The following TTLL8 variants were observed in gnomAD, a reference collection of about 807,000 sequenced individuals.
TTLL8 encodes the protein protein monoglycylase TTLL8.
Under a neutral mutation model 77.8 loss-of-function variants are expected in TTLL8, and 65 were observed. The observed-to-expected ratio is 0.84, with a 90% confidence interval of 0.68 to 1.03. TTLL8 has a LOEUF of 1.03. TTLL8 is among the 50% of genes least tolerant of loss of function. The pLI, the probability that TTLL8 is intolerant of heterozygous loss-of-function variation, is 0.00. For synonymous variants in TTLL8, 402 were observed against 422.8 expected (o/e 0.95, Z 0.60); for missense variants, 910 against 1,004.5 (o/e 0.91, Z 1.27).
chr22:50,055,328 G>T (rs2061465332), upstream of TTLL8: 14 of 1,289,734 alleles, frequency 1.1e-5, no homozygotes, highest in Non-Finnish European at 1.4e-5. Context: ...TTTTAATTCT[G>T]CAAAAGAGAA....
At chr22:50,049,221 C>G (rs1192874584) in intron 3 of TTLL8, 28 bp downstream of exon 5, 2 of 1,367,268 alleles carry the variant, frequency 1.5e-6, no homozygotes, top group Admixed American at 1.9e-5. Flanking sequence ...GAGGCCGCAG[C>G]TGACCATGAC....
intron 12 of TTLL8, among the ~76,000 whole-genome samples, chr22:50,029,629 G>A (rs1327367260): frequency 6.6e-6 from 1 of 152,070 alleles, no homozygotes; most frequent in Non-Finnish European, 1.5e-5. Context: ...TACTCGGGAG[G>A]CTGAGGCAGG....
intron 1 of TTLL8, among the ~76,000 whole-genome samples, chr22:50,053,723 G>A (rs916778496): frequency 5.3e-5 from 8 of 152,208 alleles, no homozygotes; most frequent in Non-Finnish European, 1.0e-4. Context: ...TGGGACAGGG[G>A]TGGGGAATAA....
rs546845235 is a variant in TTLL8, at chr22:50,047,611, G to A, written c.265-315C>T. Among the ~76,000 whole-genome samples, 24 of 152,252 alleles carry A rather than the reference G, an allele frequency of 1.6e-4. 1 individual carries two copies. In the South Asian group the frequency reaches 4.4e-3, roughly 28 times the overall value. On this transcript the variant is annotated intron_variant, in intron 3 of 13. Transcript: ENST00000266182. ...GACGTGCCACTTGCCGAGGTGACAC[G>A]ACACTTCATAACCCAGAGCTTACAG...
chr22:50,047,053 C>T (rs1020476597), intron 4 of TTLL8, 115 bp downstream of exon 6: 31 of 1,229,044 alleles, frequency 2.5e-5, no homozygotes, highest in Non-Finnish European at 3.1e-5. Flanking sequence ...TCCTGGGATG[C>T]ACCCAGGAGG....
intron 1 of TTLL8, among the ~76,000 whole-genome samples, chr22:50,051,410 CCA>C (rs1251801734): frequency 6.6e-6 from 1 of 152,230 alleles, no homozygotes; most frequent in Non-Finnish European, 1.5e-5. Context: ...TGCAGATACA[CCA>C]CAGTTTCTTT....
chr22:50,045,155 C>T (rs890569087), intron 6 of TTLL8, 100 bp downstream of exon 8: 18 of 1,209,068 alleles, frequency 1.5e-5, no homozygotes, highest in Non-Finnish European at 1.7e-5. Context: ...GCCCCGGCTG[C>T]TGCAACCCTC....
At position 50,041,703 on chromosome 22, in the gene TTLL8, T is replaced by C. The variant is rs762559665; in HGVS notation, c.748A>G (p.Ile250Val). ...TCCACGGCATCTGCTGACGTGTCGA[T>C]GTCCTCATGCTCCAGCTGCCCCAGG... Residue 250 changes from isoleucine (I) to valine (V), a missense_variant, in exon 7 of 14, where the codon ATC becomes GTC. Ile to Val is a conservative substitution (Grantham distance 29). Coordinates refer to ENST00000266182, the Ensembl canonical transcript of TTLL8. The surrounding 1 kb of genome is among the most constrained non-coding windows in gnomAD (Gnocchi z 4.3). 7.3e-7 allele frequency: 1 copy of C among 1,366,974 alleles called. No individual in the cohort carries two copies. Among genetic ancestry groups the C allele is most frequent in the Non-Finnish European group, 9.8e-7 (1 of 1,021,600 alleles). 84.7% of individuals were successfully genotyped at this position (1,366,974 alleles called of 1,614,324 possible). A position where few individuals can be genotyped will look rare whatever the true frequency, so the allele number is the denominator to read the frequency against.
At position 50,044,422 on chromosome 22, in the gene TTLL8, T is replaced by C. The variant is rs2061395337; in HGVS notation, c.643+833A>G. Among the ~76,000 whole-genome samples, 1 of 152,202 alleles carries C rather than the reference T, an allele frequency of 6.6e-6. No homozygotes were observed. The highest frequency in any genetic ancestry group is 2.1e-4 in the South Asian group (1 of 4,820). ...ACCTAACTCAGAATTGAAAACGGAA[T>C]GTAAGCACAGCCAATCACAGGCAGC... On this transcript the variant is annotated intron_variant, in intron 6 of 13. Coordinates refer to ENST00000266182, the Ensembl canonical transcript of TTLL8. This position sits in a 1 kb window ranked among gnomAD's most constrained non-coding sequence, Gnocchi z 4.2.
At chr22:50,040,241 T>C (rs1398584891) in intron 8 of TTLL8, among the ~76,000 whole-genome samples, 1 of 148,192 alleles carries the variant, frequency 6.7e-6, no homozygotes, top group African/African-American at 2.5e-5. Context: ...TGTGCCGGCG[T>C]AGGCAGACCT....
At position 50,045,981 on chromosome 22, in the gene TTLL8, A is replaced by G. The variant is rs763732131; in HGVS notation, c.394-11T>C. 3 of 1,343,968 alleles carry G rather than the reference A, an allele frequency of 2.2e-6. No homozygotes were observed. The South Asian group carries it at 3.5e-5, about 16-fold the overall frequency. 83.3% of individuals were successfully genotyped at this position (1,343,968 alleles called of 1,614,324 possible). A position where few individuals can be genotyped will look rare whatever the true frequency, so the allele number is the denominator to read the frequency against. On this transcript the variant is annotated splice_polypyrimidine_tract_variant and intron_variant, in intron 4 of 13. Coordinates refer to ENST00000266182, the Ensembl canonical transcript of TTLL8. ...CACGCACAGCCCGATCTCCAGAGAC[A>G]GTGGCGTGTTAGGCAGGAGGGGCAG...
At chr22:50,045,508 G>T in intron 5 of TTLL8, 119 bp from the exon 8 acceptor site, 1 of 861,350 alleles carries the variant, frequency 1.2e-6, no homozygotes, top group Non-Finnish European at 1.6e-6. Context: ...AGCCGATGGG[G>T]CCCAGGCCTG....
intron 4 of TTLL8, among the ~76,000 whole-genome samples, chr22:50,046,545 T>C: frequency 6.6e-6 from 1 of 152,244 alleles, no homozygotes; most frequent in Non-Finnish European, 1.5e-5. Flanking sequence ...GAAGGGGCCA[T>C]GTTGCCACTA....
chr22:50,030,321 G>A (rs2061277786), intron 12 of TTLL8, 109 bp downstream of exon 13: 1 of 1,129,102 alleles, frequency 8.9e-7, no homozygotes, highest in Non-Finnish European at 1.1e-6. Context: ...CCCCAGCACC[G>A]AAGCCTGCCC....
chr22:50,029,928 T>C (rs556155142), intron 12 of TTLL8, among the ~76,000 whole-genome samples: 1 of 151,654 alleles, frequency 6.6e-6, no homozygotes, highest in East Asian at 2.0e-4. Context: ...TGGCAGCCCC[T>C]GAAGTCTGAA....
chr22:50,045,926 C>T (rs367986758), exon 5 of TTLL8: 14 of 1,361,314 alleles, frequency 1.0e-5, no homozygotes, highest in South Asian at 5.7e-5. Context: ...CGGGGTTGGC[C>T]GGGACGTACC....
At chr22:50,037,868 A>C (rs989202594) in intron 8 of TTLL8, among the ~76,000 whole-genome samples, 1 of 152,164 alleles carries the variant, frequency 6.6e-6, no homozygotes, top group Admixed American at 6.5e-5. Flanking sequence ...TTTCTATATA[A>C]ATCAGTTCAT....
Position 50,033,339 on chromosome 22 carries a change from C to T in TTLL8, c.1146G>A (p.Pro382=), listed in dbSNP as rs368839803. Residue 382 remains proline, a synonymous_variant, in exon 10 of 14, where the codon CCG becomes CCA. Transcript: ENST00000266182. ...CGAACTTGGTGTCACAGATGAGCAG[C>T]GGCGTCTCGATGTACTTCTGGACCA... 11 of 1,364,984 alleles carry T rather than the reference C, an allele frequency of 8.1e-6. No individual in the cohort carries two copies. In the Admixed American group the frequency reaches 1.1e-4, roughly 14 times the overall value. 84.6% of individuals were successfully genotyped at this position (1,364,984 alleles called of 1,614,324 possible). A position where few individuals can be genotyped will look rare whatever the true frequency, so the allele number is the denominator to read the frequency against.
At chr22:50,056,638 C>G (rs2061472213), upstream of TTLL8, among the ~76,000 whole-genome samples, 1 of 152,168 alleles carries the variant, frequency 6.6e-6, no homozygotes, top group African/African-American at 2.4e-5. The surrounding 1 kb of genome is among the most constrained non-coding windows in gnomAD (Gnocchi z 4.1). Context: ...CCCAGTTTCC[C>G]AGGAAGCTGG....
Sources: allele counts gnomAD v4.1 joint callset (sites outside exome capture counted in the v4.1 genomes callset), GRCh38; gene constraint gnomAD v4.1.1; non-coding constraint Gnocchi (gnomAD v3.1); transcripts MANE v1.5; gene names NCBI Gene and HGNC (gene_info 2026-07-23, HGNC 2026-07-21).